ITPRID1: variants seen among roughly 807,000 people sequenced by gnomAD.
ITPRID1 encodes ITPR interacting domain containing 1.
A neutral mutation model predicts 95.4 loss-of-function variants in ITPRID1; 96 were observed. The ratio of observed to expected loss-of-function variants is 1.01; its 90% CI spans 0.85 to 1.19. ITPRID1 has a LOEUF of 1.19. Among genes scored for constraint, ITPRID1 ranks in the 50% most tolerant of loss-of-function variants. The pLI is 0.00. For missense variants in ITPRID1, 1,339 were observed against 1,252.9 expected, an observed-to-expected ratio of 1.07 and a Z score of -1.04; for synonymous variants, 510 against 453.6, an observed-to-expected ratio of 1.12 and a Z score of -1.58.
At chr7:31,589,083 A>G (rs1276507427) in intron 10 of ITPRID1, among the ~76,000 whole-genome samples, 1 of 152,146 alleles carries the variant, frequency 6.6e-6, no homozygotes, top group African/African-American at 2.4e-5. Flanking sequence ...AAGGATGTAG[A>G]GGAAAATATG....
At chr7:31,623,342 G>C (rs1168861771) in intron 10 of ITPRID1, among the ~76,000 whole-genome samples, 1 of 151,974 alleles carries the variant, frequency 6.6e-6, no homozygotes, top group Non-Finnish European at 1.5e-5. Flanking sequence ...GAACATTGAT[G>C]CAAAAATCCT....
chr7:31,551,350 A>G (rs1784280087), intron 2 of ITPRID1, among the ~76,000 whole-genome samples: 1 of 143,800 alleles, frequency 7.0e-6, no homozygotes, highest in Non-Finnish European at 1.6e-5. Flanking sequence ...GTTTAATGTT[A>G]TGAATTCTAG....
intron 10 of ITPRID1, among the ~76,000 whole-genome samples, chr7:31,626,259 A>G (rs141385372): frequency 1.2e-4 from 18 of 152,336 alleles, no homozygotes; most frequent in African/African-American, 4.3e-4. Context: ...ACTTTGTGTG[A>G]CTAAAGATAT....
chr7:31,519,620 C>CTATATATATATATATATATA (rs750544823), intron 1 of ITPRID1, among the ~76,000 whole-genome samples: 44 of 25,238 alleles, frequency 1.7e-3, no homozygotes, highest in East Asian at 3.0e-3. Flanking sequence ...CTCTCTCTCT[C>CTATATATATATATATATATA]TATATATATA....
At chr7:31,629,853 G>A (rs1345960227) in intron 10 of ITPRID1, among the ~76,000 whole-genome samples, 1 of 152,182 alleles carries the variant, frequency 6.6e-6, no homozygotes, top group African/African-American at 2.4e-5. Flanking sequence ...AAAAAGAAAT[G>A]TCAAAGATGT....
At chr7:31,547,189 G>A (rs1307857004) in intron 1 of ITPRID1, among the ~76,000 whole-genome samples, 2 of 152,214 alleles carry the variant, frequency 1.3e-5, no homozygotes, top group Non-Finnish European at 2.9e-5. Flanking sequence ...GCTGTGATAT[G>A]TGTGAAACTG....
chr7:31,642,251 C>G lies in ITPRID1; in HGVS notation c.1304C>G (p.Pro435Arg). The part of the protein sequence containing the change: ...GFLEEPLEPL[P>R]LQMPSLPNSQ... ...CTGGAGGAGCCGCTGGAACCGCTGC[C>G]CCTCCAGGTAGGAGGGTTTGGAACA... Residue 435 changes from proline (P) to arginine (R), a missense_variant, in exon 11 of 15, where the codon CCC (proline) becomes CGC (arginine). By Grantham distance (103) the Pro-to-Arg change is moderately radical. Transcript: ENST00000615280. 1 of 1,550,810 alleles carries G rather than the reference C, an allele frequency of 6.4e-7. No individual in the cohort carries two copies. Among genetic ancestry groups the G allele is most frequent in the South Asian group, 1.2e-5 (1 of 83,968 alleles).
chr7:31,624,779 A>G (rs1255388773), intron 10 of ITPRID1, among the ~76,000 whole-genome samples: 1 of 152,092 alleles, frequency 6.6e-6, no homozygotes, highest in Non-Finnish European at 1.5e-5. Flanking sequence ...AATGGGATCT[A>G]ATTAAACTAA....
At chr7:31,542,028 T>C (rs1228746940) in intron 1 of ITPRID1, among the ~76,000 whole-genome samples, 1 of 152,218 alleles carries the variant, frequency 6.6e-6, no homozygotes, top group African/African-American at 2.4e-5. Flanking sequence ...CTTAAAACAA[T>C]TCTTTAGCCT....
At chr7:31,539,994 TTTAGGCAG>T (rs1783882111) in intron 1 of ITPRID1, among the ~76,000 whole-genome samples, 1 of 152,144 alleles carries the variant, frequency 6.6e-6, no homozygotes, top group Admixed American at 6.5e-5. Context: ...GCCCTTTGGA[TTTAGGCAG>T]TTTTTTATCG....
chr7:31,627,247 A>T (rs1788549851), intron 10 of ITPRID1, among the ~76,000 whole-genome samples: 1 of 152,246 alleles, frequency 6.6e-6, no homozygotes, highest in South Asian at 2.1e-4. Context: ...AATAAGTGAG[A>T]CTACATCAAA....
intron 10 of ITPRID1, among the ~76,000 whole-genome samples, chr7:31,601,698 G>A (rs77179642): frequency 6.6e-6 from 1 of 152,126 alleles, no homozygotes; most frequent in Non-Finnish European, 1.5e-5. Context: ...TAATGTGGAG[G>A]TAAAAAGGGA....
At position 31,553,050 on chromosome 7, in the gene ITPRID1, C is replaced by T; in HGVS notation, c.26C>T (p.Ser9Phe). The change falls in exon 3 of 15, where the codon TCT becomes TTT. Residue 9 changes from serine (S) to phenylalanine (F), a missense_variant. Coordinates refer to ENST00000615280, the MANE Select transcript of ITPRID1 (RefSeq NM_001257967.3). Reference sequence around the variant, plus strand: ...ATGATGGCACAGAAATCACAAGGATCTGACAACCTTCAGGAAGGCCAGGAA... The same window carrying T: ...ATGATGGCACAGAAATCACAAGGATTTGACAACCTTCAGGAAGGCCAGGAA... MMAQKSQG[S>F]DNLQEGQEKS... is the part of the protein sequence containing the mutation. The T allele has an allele frequency of 6.2e-7, 1 of 1,610,044 alleles. No individual in the cohort carries two copies. The highest frequency in any genetic ancestry group is 1.3e-5 in the African/African-American group (1 of 74,992).
downstream of ITPRID1, among the ~76,000 whole-genome samples, chr7:31,657,515 G>C (rs1471909345): frequency 6.6e-6 from 1 of 152,176 alleles, no homozygotes; most frequent in Non-Finnish European, 1.5e-5. Flanking sequence ...ACAAGGAGAT[G>C]AGTTCCACCA....
At chr7:31,614,297 T>TAGATCTAGTTCCTTTTACTTTG (rs1787014705) in intron 10 of ITPRID1, among the ~76,000 whole-genome samples, 1 of 152,186 alleles carries the variant, frequency 6.6e-6, no homozygotes, top group Admixed American at 6.5e-5. Context: ...AGGGGAAGGC[T>TAGATCTAGTTCCTTTTACTTTG]AGATCTAGTT....
chr7:31,624,110 T>G (rs370117597), intron 10 of ITPRID1, among the ~76,000 whole-genome samples: 32 of 150,368 alleles, frequency 2.1e-4, no homozygotes, highest in African/African-American at 7.1e-4. Context: ...CACTGCTCAA[T>G]GAAATAAAAG....
In ITPRID1 at chr7:31,535,061, G is replaced by A. The variant is rs533685104; in HGVS notation, c.-97-14365G>A. On this transcript the variant is annotated intron_variant, in intron 1 of 14. Coordinates refer to ENST00000615280, the MANE Select transcript of ITPRID1 (RefSeq NM_001257967.3). ...CTCACTAGCCATATGTGCCTTAAGA[G>A]CACTTGAAATATGGCTAATGCAACC... Among the ~76,000 whole-genome samples the A allele has an allele frequency of 2.5e-3, 383 of 152,096 alleles. 1 individual carries two copies. The highest frequency in any genetic ancestry group is 8.6e-3 in the African/African-American group (355 of 41,514).
chr7:31,595,961 A>T (rs1786071793), intron 10 of ITPRID1, among the ~76,000 whole-genome samples: 1 of 151,940 alleles, frequency 6.6e-6, no homozygotes, highest in African/African-American at 2.4e-5. Context: ...TAAAATTATA[A>T]AGGAATACTA....
At position 31,654,887 on chromosome 7, in the gene ITPRID1, C is replaced by T. The variant is rs947903369; in HGVS notation, c.*2058C>T. Among the ~76,000 whole-genome samples the T allele has an allele frequency of 6.6e-5, 10 of 152,136 alleles. No individual in the cohort carries two copies. The highest frequency in any genetic ancestry group is 3.3e-4 in the Admixed American group (5 of 15,268). ...TCTCACATCTTGCTTGCACTCTTCCCCTTCCTTGCTTTTTGGAAAGCCTTT... is the reference window on the plus strand; with the variant it reads ...TCTCACATCTTGCTTGCACTCTTCCTCTTCCTTGCTTTTTGGAAAGCCTTT... On this transcript the variant is annotated 3_prime_UTR_variant, in exon 15 of 15. Transcript: ENST00000615280.
Sources: gnomAD v4.1 joint callset for allele counts (sites outside exome capture counted in the v4.1 genomes callset) on GRCh38, gnomAD v4.1.1 for gene constraint, MANE v1.5 for transcripts, NCBI Gene and HGNC (gene_info 2026-07-23, HGNC 2026-07-21) for gene names.